Variants in TNS1 observed in about 807,000 individuals in gnomAD.
TNS1 encodes the protein tensin-1.
TNS1 carries 62 observed loss-of-function variants against 168.6 expected under a neutral mutation model. The ratio of observed to expected loss-of-function variants is 0.37; its 90% CI spans 0.30 to 0.45. The LOEUF (loss-of-function observed/expected upper bound fraction) is 0.45, where lower values mean the gene tolerates loss of function less well. Ranked by LOEUF, TNS1 falls within the 20% of genes least tolerant of loss-of-function variation. The probability of loss-of-function intolerance (pLI) is 1.00; values close to 1 mark genes in which losing one functional copy is unlikely to be tolerated. For synonymous variants in TNS1, 934 were observed against 933.2 expected (o/e 1.00, Z -0.02); for missense variants, 2,240 against 2,339.4 (o/e 0.96, Z 0.88).
At chr2:217,927,890 G>T (rs992781664) in intron 3 of TNS1, among the ~76,000 whole-genome samples, 18 of 152,156 alleles carry the variant, frequency 1.2e-4, no homozygotes, top group African/African-American at 4.1e-4. Context: ...TACCAGAGCG[G>T]TCCAGAAAAA....
Position 217,821,742 on chromosome 2 carries a change from G to A in TNS1, c.3570C>T (p.Asp1190=), listed in dbSNP as rs1212459385. Residue 1190 remains aspartate, a splice_region_variant and synonymous_variant, in exon 23 of 33, where the codon GAC becomes GAT. Coordinates refer to ENST00000682258, the MANE Select transcript of TNS1 (RefSeq NM_001387777.1). ...CCCACTGCCCCTTCCCGGCTTACCT[G>A]TCAGCACTGAGGATGGGGCTGCTGG... is the stretch of plus-strand genomic sequence containing the variant. ...LSTSSPILSA[D]STSVGSFPSG... 4 of 1,464,274 alleles carry A rather than the reference G, an allele frequency of 2.7e-6. No individual in the cohort carries two copies. Among genetic ancestry groups the A allele is most frequent in the South Asian group, 1.5e-5 (1 of 64,760 alleles). 90.7% of individuals were successfully genotyped at this position (1,464,274 alleles called of 1,614,324 possible).
intron 3 of TNS1, among the ~76,000 whole-genome samples, chr2:217,963,153 G>A (rs764170871): frequency 1.1e-4 from 16 of 152,168 alleles, no homozygotes; most frequent in Non-Finnish European, 2.4e-4. Flanking sequence ...GTCCTTGGAA[G>A]GGGAGAGGAG....
chr2:217,910,713 TAC>T (rs10554233), intron 4 of TNS1, among the ~76,000 whole-genome samples: 12,116 of 106,594 alleles, frequency 0.11, 494 homozygotes, highest in Middle Eastern at 0.12. Flanking sequence ...CACATACACA[TAC>T]ACACACACAC....
chr2:218,009,972 C>T, intron 1 of TNS1: 1 of 379,316 alleles, frequency 2.6e-6, no homozygotes, highest in Non-Finnish European at 4.5e-6. Flanking sequence ...ATGGCCGAGA[C>T]GGAGGGTCCC....
chr2:218,008,930 A>T (rs894942035), intron 1 of TNS1, among the ~76,000 whole-genome samples: 2 of 152,160 alleles, frequency 1.3e-5, no homozygotes, highest in Admixed American at 6.5e-5. Context: ...GAGTAGGCAC[A>T]GTTAAACACT....
intron 6 of TNS1, among the ~76,000 whole-genome samples, chr2:217,902,393 C>T (rs756972972): frequency 9.9e-5 from 15 of 152,108 alleles, no homozygotes; most frequent in Non-Finnish European, 5.9e-5. Context: ...GTAGCCAAGA[C>T]GTGAGGTGTG....
At chr2:217,892,464 G>A (rs546064235) in intron 11 of TNS1, among the ~76,000 whole-genome samples, 2 of 152,312 alleles carry the variant, frequency 1.3e-5, no homozygotes, top group Admixed American at 1.3e-4. Context: ...CTGCAGAGTG[G>A]GATTGGAAAG....
Position 217,817,956 on chromosome 2 carries a change from A to G in TNS1, c.4376T>C (p.Val1459Ala), listed in dbSNP as rs769830145. The G allele has an allele frequency of 1.2e-6, 2 of 1,608,734 alleles. No homozygotes were observed. The highest frequency in any genetic ancestry group is 2.2e-5 in the East Asian group (1 of 44,668). The change falls in exon 24 of 33, where the codon GTC becomes GCC. Residue 1459 changes from valine to alanine, a missense_variant. By Grantham distance (64) the Val-to-Ala change is moderately conservative. Around this residue, in one of 2 missense-constraint regions of TNS1, gnomAD observed 2,131 missense variants for 2,171.2 expected, o/e 0.98. Coordinates refer to ENST00000682258, the MANE Select transcript of TNS1 (RefSeq NM_001387777.1). ...CAGGCCAGGGTAGTAGGCAGGGGAG[A>G]CAGGGAAGGAGGGCGTGGAAGGAGC... ...YQAPSTPSFP[V>A]SPAYYPGLSS...
intron 18 of TNS1, among the ~76,000 whole-genome samples, chr2:217,864,426 T>C (rs972281811): frequency 2.6e-5 from 4 of 152,200 alleles, no homozygotes; most frequent in African/African-American, 9.7e-5. Context: ...ATAAAGAAAC[T>C]AAGGCTCAGG....
chr2:217,844,166 C>T (rs1166526969), intron 19 of TNS1, among the ~76,000 whole-genome samples: 1 of 152,160 alleles, frequency 6.6e-6, no homozygotes, highest in Non-Finnish European at 1.5e-5. Context: ...TGGTTCTACC[C>T]CCACAGTATC....
intron 6 of TNS1, chr2:217,903,799 A>T: frequency 1.8e-6 from 1 of 569,238 alleles, no homozygotes; most frequent in South Asian, 2.5e-5. Context: ...CCACTCAGAC[A>T]CTACTGGGTG....
intron 3 of TNS1, among the ~76,000 whole-genome samples, chr2:217,930,336 CGGG>C (rs560413725): frequency 5.7e-4 from 87 of 152,224 alleles, no homozygotes; most frequent in Admixed American, 9.8e-4. Context: ...CTTTCCCAGT[CGGG>C]GGTCACAGAA....
chr2:217,850,141 C>G, intron 18 of TNS1: 3 of 985,338 alleles, frequency 3.0e-6, no homozygotes, highest in Non-Finnish European at 3.6e-6. Context: ...GAAGGTATGC[C>G]GGGCAGGATC....
rs138064979 is a variant in TNS1, at chr2:217,848,051, C to G, written c.2466G>C (p.Pro822=). Residue 822 remains proline (P), a synonymous_variant, in exon 19 of 33, where the codon CCG becomes CCC. Coordinates refer to ENST00000682258, the MANE Select transcript of TNS1 (RefSeq NM_001387777.1). ...ETPIPSLPEF[P]RAASQQEIEQ... ...CAATCTCCTGCTGGGAGGCTGCTCG[C>G]GGGAACTCAGGGAGACTGGGGATGG... 10 of 1,528,974 alleles carry G rather than the reference C, an allele frequency of 6.5e-6. No homozygotes were observed. Among genetic ancestry groups the G allele is most frequent in the Non-Finnish European group, 8.8e-6 (10 of 1,138,084 alleles). The allele number at this position is 1,528,974 out of a possible 1,614,324, so 94.7% of individuals were successfully genotyped here.
chr2:217,911,196 G>T lies in TNS1; in HGVS notation c.229-3945C>A, dbSNP rs1012698716. On this transcript the variant is annotated intron_variant, in intron 4 of 32. Transcript: ENST00000682258. ...CAGCTGACTCACTGTTCCACCAGGG[G>T]TCTTCCAGAGTCCCCCCTTACCTCC... 2.6e-5 allele frequency among the ~76,000 whole-genome samples: 4 copies of T among 152,318 alleles called. No homozygotes were observed. The East Asian group carries it at 7.7e-4, about 29-fold the overall frequency.
chr2:217,894,894 ACT>A lies in TNS1; in HGVS notation c.594+110_594+111del, dbSNP rs1952116655. 4 of 1,035,294 alleles carry A rather than the reference ACT, an allele frequency of 3.9e-6. No individual in the cohort carries two copies. In the African/African-American group the frequency reaches 4.8e-5, roughly 12 times the overall value. The allele number at this position is 1,035,294 out of a possible 1,614,324, so 64.1% of individuals were successfully genotyped here. ...TTCCATTTTCCAGATATAAGTCGGC[ACT>A]CTGACAAACTGTCACAGCATTTTCC... is the stretch of plus-strand genomic sequence containing the variant. On this transcript the variant is annotated intron_variant, in intron 9 of 32. Transcript: ENST00000682258.
chr2:217,856,210 G>A (rs1023015237), intron 18 of TNS1, among the ~76,000 whole-genome samples: 20 of 152,326 alleles, frequency 1.3e-4, no homozygotes, highest in African/African-American at 4.3e-4. Context: ...AAGCTTTGCG[G>A]CTGCGGGAGC....
At chr2:217,893,092 G>A in intron 10 of TNS1, 80 bp from the exon 11 acceptor site, 1 of 1,556,992 alleles carries the variant, frequency 6.4e-7, no homozygotes, top group Non-Finnish European at 8.8e-7. Context: ...AGCCTTGGTG[G>A]AAAAGAGTCA....
intron 1 of TNS1, among the ~76,000 whole-genome samples, chr2:218,017,733 C>T (rs1435809006): frequency 6.6e-6 from 1 of 152,208 alleles, no homozygotes; most frequent in Non-Finnish European, 1.5e-5. Flanking sequence ...ATGGAGTAAT[C>T]GTGAGGATTA....
Sources: allele counts gnomAD v4.1 joint callset (sites outside exome capture counted in the v4.1 genomes callset), GRCh38; gene constraint gnomAD v4.1.1; regional missense constraint gnomAD v4.1.1; transcripts MANE v1.5; gene names NCBI Gene and HGNC (gene_info 2026-07-23, HGNC 2026-07-21).